MDGA2: variants seen among roughly 807,000 people sequenced by gnomAD.
The protein encoded by MDGA2 is MAM domain containing glycosylphosphatidylinositol anchor 2, also known as MAM domain-containing glycosylphosphatidylinositol anchor protein 2.
MDGA2 carries 40 observed loss-of-function variants against 117.8 expected under a neutral mutation model. The ratio of observed to expected loss-of-function variants is 0.34; its 90% CI spans 0.26 to 0.44. MDGA2 has a LOEUF of 0.44. Ranked by LOEUF, MDGA2 falls within the 20% of genes least tolerant of loss-of-function variation. The probability of loss-of-function intolerance (pLI) is 1.00; values close to 1 mark genes in which losing one functional copy is unlikely to be tolerated. For missense variants in MDGA2, 1,123 were observed against 1,250.6 expected, an observed-to-expected ratio of 0.90 and a Z score of 1.54; for synonymous variants, 452 against 439.0, an observed-to-expected ratio of 1.03 and a Z score of -0.37.
chr14:47,482,472 T>G (rs1893974297), intron 1 of MDGA2, among the ~76,000 whole-genome samples: 1 of 152,088 alleles, frequency 6.6e-6, no homozygotes, highest in Non-Finnish European at 1.5e-5. Context: ...CCTCTGTCTT[T>G]CACCGGGCTT....
chr14:47,328,224 A>C (rs1435585950), intron 1 of MDGA2, among the ~76,000 whole-genome samples: 1 of 152,122 alleles, frequency 6.6e-6, no homozygotes, highest in African/African-American at 2.4e-5. Context: ...AAACTAAATC[A>C]CTGGAAGACA....
At chr14:47,011,206 G>A (rs528112122) in intron 8 of MDGA2, among the ~76,000 whole-genome samples, 10 of 151,750 alleles carry the variant, frequency 6.6e-5, no homozygotes, top group Non-Finnish European at 1.0e-4. Flanking sequence ...ATTAGAGCTC[G>A]GAGAAAAAAA....
chr14:47,173,724 G>C (rs1259137022), intron 3 of MDGA2, among the ~76,000 whole-genome samples: 1 of 152,074 alleles, frequency 6.6e-6, no homozygotes, highest in African/African-American at 2.4e-5. Flanking sequence ...ATCAAGACTA[G>C]GAAGAAACTG....
chr14:47,395,189 C>G (rs181937383), intron 1 of MDGA2, among the ~76,000 whole-genome samples: 26 of 120,456 alleles, frequency 2.2e-4, no homozygotes, highest in Non-Finnish European at 3.9e-4. Context: ...ATTTCTGATA[C>G]GCTTAGATTT....
intron 10 of MDGA2, among the ~76,000 whole-genome samples, chr14:46,897,524 T>C (rs926811780): frequency 1.3e-5 from 2 of 152,152 alleles, no homozygotes; most frequent in African/African-American, 4.8e-5. Flanking sequence ...GAGAGCCTAT[T>C]ACTTAAACAA....
chr14:47,556,470 G>A (rs1293149178), intron 1 of MDGA2, among the ~76,000 whole-genome samples: 1 of 152,144 alleles, frequency 6.6e-6, no homozygotes, highest in Non-Finnish European at 1.5e-5. Flanking sequence ...TTCCAAGGTT[G>A]CATTTTAAAG....
chr14:47,061,917 T>C (rs1203543950), intron 6 of MDGA2, among the ~76,000 whole-genome samples: 2 of 152,020 alleles, frequency 1.3e-5, no homozygotes, highest in African/African-American at 2.4e-5. Flanking sequence ...TATGTAGTCA[T>C]AGCATATTAA....
At chr14:47,164,702 A>T (rs1883789938) in intron 3 of MDGA2, among the ~76,000 whole-genome samples, 1 of 152,214 alleles carries the variant, frequency 6.6e-6, no homozygotes, top group Non-Finnish European at 1.5e-5. Context: ...GCGATTCCTC[A>T]GGGATCTAGA....
At chr14:47,389,416 C>T (rs1216445295) in intron 1 of MDGA2, among the ~76,000 whole-genome samples, 1 of 151,988 alleles carries the variant, frequency 6.6e-6, no homozygotes, top group African/African-American at 2.4e-5. Flanking sequence ...CTTAGACTGA[C>T]CTTACTAATT....
chr14:47,597,817 ACACACAGAGACG>A (rs1169784200), intron 1 of MDGA2, among the ~76,000 whole-genome samples: 2 of 148,396 alleles, frequency 1.3e-5, no homozygotes, highest in Non-Finnish European at 1.5e-5. Context: ...TTCCTTAAAC[ACACACAGAGACG>A]CACACCACAC....
intron 2 of MDGA2, among the ~76,000 whole-genome samples, chr14:47,295,963 TAGATAGATAGA>T (rs1175376649): frequency 6.6e-6 from 1 of 151,394 alleles, no homozygotes; most frequent in Non-Finnish European, 1.5e-5. Flanking sequence ...GATAGATAGA[TAGATAGATAGA>T]TAGATATAGT....
intron 8 of MDGA2, among the ~76,000 whole-genome samples, chr14:46,968,339 G>A (rs1886117524): frequency 6.6e-6 from 1 of 151,976 alleles, no homozygotes. Context: ...AATCCCTGAA[G>A]GTAGATGCAA....
At chr14:47,104,646 G>GTT (rs1880540564) in intron 5 of MDGA2, among the ~76,000 whole-genome samples, 2 of 152,012 alleles carry the variant, frequency 1.3e-5, no homozygotes, top group Admixed American at 6.6e-5. Context: ...CACAAAGCCT[G>GTT]TTTGGTGGTC....
At chr14:46,888,423 T>C (rs1395599117) in intron 10 of MDGA2, among the ~76,000 whole-genome samples, 1 of 151,964 alleles carries the variant, frequency 6.6e-6, no homozygotes, top group East Asian at 1.9e-4. Flanking sequence ...ATTTTAAAAA[T>C]CCATTTAATT....
intron 10 of MDGA2, among the ~76,000 whole-genome samples, chr14:46,882,939 G>A (rs1882522565): frequency 6.6e-6 from 1 of 151,818 alleles, no homozygotes; most frequent in South Asian, 2.1e-4. Flanking sequence ...GAGTAATGAA[G>A]ATGAAAGTGT....
At chr14:47,371,013 C>G (rs560906859) in intron 1 of MDGA2, among the ~76,000 whole-genome samples, 2 of 151,688 alleles carry the variant, frequency 1.3e-5, no homozygotes, top group Non-Finnish European at 3.0e-5. Flanking sequence ...TATCCTTTGA[C>G]TTGAAAAACT....
intron 5 of MDGA2, among the ~76,000 whole-genome samples, chr14:47,129,647 G>A (rs2139142171): frequency 6.6e-6 from 1 of 150,840 alleles, no homozygotes; most frequent in East Asian, 2.0e-4. Context: ...TCTAGTTCTA[G>A]ATCCCGGAGG....
chr14:47,018,733 GA>G (rs60442845), intron 8 of MDGA2, among the ~76,000 whole-genome samples: 79 of 38,628 alleles, frequency 2.0e-3, no homozygotes, highest in African/African-American at 4.2e-3. Flanking sequence ...CCATTTTACT[GA>G]AAAAAAAAAA....
rs115571170 is a variant in MDGA2, at chr14:46,843,676, A to G, written c.2990-1657T>C. Among the ~76,000 whole-genome samples, 525 of 152,226 alleles carry G rather than the reference A, an allele frequency of 3.4e-3. 6 individuals are homozygous for G. Among genetic ancestry groups the G allele is most frequent in the African/African-American group, 0.012 (486 of 41,570 alleles). The stretch of plus-strand genomic sequence containing the variant: ...AAATCTTAGTTTTTGTCTTTTGACA[A>G]TACTTAAGAATTGAGTCAATTCAGT... On this transcript the variant is annotated intron_variant, in intron 16 of 16. Transcript: ENST00000399232.
Sources: gnomAD v4.1 joint callset for allele counts (sites outside exome capture counted in the v4.1 genomes callset) on GRCh38, gnomAD v4.1.1 for gene constraint, MANE v1.5 for transcripts, NCBI Gene and HGNC (gene_info 2026-07-23, HGNC 2026-07-21) for gene names.